GSTCD: variants seen among roughly 807,000 people sequenced by gnomAD.
GSTCD encodes the protein glutathione S-transferase C-terminal domain-containing protein.
In GSTCD, 44 loss-of-function variants were observed where a neutral mutation model predicts 68.3. The observed-to-expected ratio is 0.64, with a 90% confidence interval of 0.51 to 0.83. The LOEUF is 0.83. Among genes scored for constraint, GSTCD ranks in the 40% least tolerant of loss-of-function variants. The pLI, the probability that GSTCD is intolerant of heterozygous loss-of-function variation, is 0.00. For missense variants in GSTCD, 739 were observed against 735.9 expected (o/e 1.00, Z -0.05); for synonymous variants, 273 against 255.2 (o/e 1.07, Z -0.67).
At chr4:105,785,440 T>G (rs1220541998) in intron 5 of GSTCD, among the ~76,000 whole-genome samples, 1 of 152,050 alleles carries the variant, frequency 6.6e-6, no homozygotes, top group East Asian at 1.9e-4. Context: ...AAATAATACA[T>G]CATATCAATA....
chr4:105,791,951 A>G (rs1445014472), intron 5 of GSTCD, among the ~76,000 whole-genome samples: 1 of 152,138 alleles, frequency 6.6e-6, no homozygotes, highest in Non-Finnish European at 1.5e-5. Flanking sequence ...TATCTAAAAA[A>G]CTTAGGAGCC....
chr4:105,828,419 A>G (rs1203824454), intron 8 of GSTCD, among the ~76,000 whole-genome samples: 4 of 152,190 alleles, frequency 2.6e-5, no homozygotes, highest in African/African-American at 9.7e-5. Context: ...GAGAAATTAT[A>G]TATTCTGCAG....
chr4:105,791,037 A>G (rs954352917), intron 5 of GSTCD, among the ~76,000 whole-genome samples: 2 of 152,038 alleles, frequency 1.3e-5, no homozygotes, highest in Non-Finnish European at 2.9e-5. Flanking sequence ...GGCCAAAAAA[A>G]CAATCCAGAA....
At chr4:105,770,898 T>G (rs926295862) in intron 5 of GSTCD, among the ~76,000 whole-genome samples, 1 of 152,190 alleles carries the variant, frequency 6.6e-6, no homozygotes, top group African/African-American at 2.4e-5. Flanking sequence ...ATAATGGGAT[T>G]GCTGGGTCAA....
intron 5 of GSTCD, among the ~76,000 whole-genome samples, chr4:105,797,147 C>T (rs1735923673): frequency 6.6e-6 from 1 of 151,250 alleles, no homozygotes; most frequent in Non-Finnish European, 1.5e-5. Flanking sequence ...TCACAGACAC[C>T]AGGATTTAAT....
At chr4:105,760,996 A>ATTTTTTTTTTTTTTTTTTTTTTT in intron 5 of GSTCD, 2 of 174,966 alleles carry the variant, frequency 1.1e-5, no homozygotes, top group Non-Finnish European at 1.9e-5. Context: ...TCCTTTTTTA[A>ATTTTTTTTTTTTTTTTTTTTTTT]TTTTTTTTTT....
chr4:105,822,870 A>C (rs1424473619), intron 5 of GSTCD, 84 bp from the exon 6 acceptor site: 2 of 885,010 alleles, frequency 2.3e-6, no homozygotes, highest in East Asian at 4.8e-5. Context: ...CTCCTCCTCT[A>C]TGCTGGTAGT....
chr4:105,745,771 G>T (rs958816532), intron 5 of GSTCD, among the ~76,000 whole-genome samples: 1 of 152,178 alleles, frequency 6.6e-6, no homozygotes, highest in Non-Finnish European at 1.5e-5. Context: ...AATCATGTAG[G>T]AGGGAAGATA....
chr4:105,805,407 G>T (rs115962193), intron 5 of GSTCD, among the ~76,000 whole-genome samples: 1 of 152,050 alleles, frequency 6.6e-6, no homozygotes, highest in Non-Finnish European at 1.5e-5. Flanking sequence ...TAAAACTCGA[G>T]AAGGCACATC....
chr4:105,756,495 T>TACACACACACACACACACACACACACAC (rs3055931), intron 5 of GSTCD, among the ~76,000 whole-genome samples: 1 of 139,432 alleles, frequency 7.2e-6, no homozygotes, highest in African/African-American at 2.7e-5. Context: ...CCTATGCACA[T>TACACACACACACACACACACACACACAC]ACACACACAC....
intron 5 of GSTCD, among the ~76,000 whole-genome samples, chr4:105,820,189 TG>T (rs2149273065): frequency 6.6e-6 from 1 of 151,814 alleles, no homozygotes; most frequent in South Asian, 2.1e-4. Context: ...TGTTTTAACA[TG>T]GCTTCCCCCT....
chr4:105,720,999 G>T (rs765484354), intron 3 of GSTCD, among the ~76,000 whole-genome samples: 1 of 150,332 alleles, frequency 6.7e-6, no homozygotes, highest in Non-Finnish European at 1.5e-5. Context: ...TTGAGATGGA[G>T]TCTCGCTCTG....
At chr4:105,810,662 C>T (rs1722715442) in intron 5 of GSTCD, among the ~76,000 whole-genome samples, 2 of 151,980 alleles carry the variant, frequency 1.3e-5, no homozygotes, top group Admixed American at 1.3e-4. Context: ...TTGTATATGT[C>T]ATGTTGTTTT....
intron 5 of GSTCD, among the ~76,000 whole-genome samples, chr4:105,797,685 G>A (rs1735949320): frequency 6.6e-6 from 1 of 151,374 alleles, no homozygotes; most frequent in African/African-American, 2.4e-5. Context: ...TTACTGCATG[G>A]ATTGACTCTT....
chr4:105,844,044 G>A (rs939322807), intron 11 of GSTCD, among the ~76,000 whole-genome samples: 2 of 152,120 alleles, frequency 1.3e-5, no homozygotes, highest in Non-Finnish European at 2.9e-5. Context: ...AATTTCAGTT[G>A]TAGAGACACT....
chr4:105,792,590 C>T (rs1302173311), intron 5 of GSTCD, among the ~76,000 whole-genome samples: 1 of 151,988 alleles, frequency 6.6e-6, no homozygotes, highest in Non-Finnish European at 1.5e-5. Flanking sequence ...CTAAACAAAT[C>T]AAGAACCTTT....
intron 5 of GSTCD, among the ~76,000 whole-genome samples, chr4:105,779,503 A>T (rs777166570): frequency 1.3e-5 from 2 of 152,134 alleles, no homozygotes; most frequent in African/African-American, 4.8e-5. Flanking sequence ...AACATTTTTC[A>T]TTTTTTAGCC....
chr4:105,821,271 A>AAG (rs1241237461), intron 5 of GSTCD: 1 of 151,910 alleles, frequency 6.6e-6, no homozygotes, highest in Non-Finnish European at 1.5e-5. Flanking sequence ...CAAGTATAGT[A>AAG]AGTTGTTAAT....
intron 5 of GSTCD, among the ~76,000 whole-genome samples, chr4:105,774,753 A>T (rs190634320): frequency 1.2e-4 from 18 of 152,236 alleles, no homozygotes; most frequent in Non-Finnish European, 2.1e-4. Flanking sequence ...TTTGTGGGTA[A>T]CCTGACCTTT....
Sources: allele counts gnomAD v4.1 joint callset (sites outside exome capture counted in the v4.1 genomes callset), GRCh38; gene constraint gnomAD v4.1.1; transcripts MANE v1.5; gene names NCBI Gene and HGNC (gene_info 2026-07-23, HGNC 2026-07-21).